The following ZFYVE21 variants were observed in gnomAD, a reference collection of about 807,000 sequenced individuals.
The protein encoded by ZFYVE21 is zinc finger FYVE domain-containing protein 21.
A neutral mutation model predicts 29.5 loss-of-function variants in ZFYVE21; 21 were observed. The ratio of observed to expected loss-of-function variants is 0.71; its 90% confidence interval spans 0.50 to 1.02. ZFYVE21 has a LOEUF of 1.02. Ranked by LOEUF, ZFYVE21 falls within the 50% of genes least tolerant of loss-of-function variation. The pLI, the probability that ZFYVE21 is intolerant of heterozygous loss-of-function variation, is 0.00. For missense variants in ZFYVE21, 326 were observed against 335.4 expected, an observed-to-expected ratio of 0.97 and a Z score of 0.22; for synonymous variants, 151 against 133.8, an observed-to-expected ratio of 1.13 and a Z score of -0.89.
chr14:103,732,997 C>G lies in ZFYVE21; in HGVS notation c.684C>G (p.Leu228=). 6.2e-7 allele frequency: 1 copy of G among 1,614,140 alleles called. No individual in the cohort carries two copies. ...LVAMHKAAKL[L]YESRDQ is the part of the protein sequence containing the mutation. ...CTGATCTGCAGGCTGCCAAGCTCCT[C>G]TATGAATCTCGGGACCAGTAACTCT... is the stretch of plus-strand genomic sequence containing the variant. Residue 228 remains leucine (L), a synonymous_variant, in exon 7 of 7, where the codon CTC becomes CTG. Transcript: ENST00000311141.
At chr14:103,732,939 A>G (rs753608629) in intron 6 of ZFYVE21, 44 bp from the exon 7 acceptor site, 3 of 1,613,948 alleles carry the variant, frequency 1.9e-6, no homozygotes, top group Non-Finnish European at 2.5e-6. Context: ...CACCAGGCAC[A>G]GGACCAAGCA....
At chr14:103,720,260 T>C (rs1209289589) in intron 1 of ZFYVE21, among the ~76,000 whole-genome samples, 1 of 152,242 alleles carries the variant, frequency 6.6e-6, no homozygotes, top group African/African-American at 2.4e-5. Context: ...CATTAACTAA[T>C]GAGGTAAATC....
At chr14:103,723,892 C>A (rs2083896954) in intron 1 of ZFYVE21, among the ~76,000 whole-genome samples, 1 of 152,208 alleles carries the variant, frequency 6.6e-6, no homozygotes, top group Non-Finnish European at 1.5e-5. Context: ...GAGGCCCCTG[C>A]CTTTGCAGAT....
At chr14:103,720,817 C>T (rs952448372) in intron 1 of ZFYVE21, among the ~76,000 whole-genome samples, 2 of 151,996 alleles carry the variant, frequency 1.3e-5, no homozygotes, top group Non-Finnish European at 2.9e-5. Flanking sequence ...TGATGGGCTT[C>T]ATGATTTCTG....
chr14:103,717,046 T>C lies in ZFYVE21; in HGVS notation c.138+1067T>C, dbSNP rs916573475. On this transcript the variant is annotated intron_variant, in intron 1 of 6. Transcript: ENST00000311141. ...AGAAGTCAAAGTAGCACTAATTGAC[T>C]GGGTTCATTGAAGCTTGGTTGGAGG... 3.3e-5 allele frequency among the ~76,000 whole-genome samples: 5 copies of C among 152,212 alleles called. No homozygotes were observed. In the South Asian group the frequency reaches 1.0e-3, roughly 31 times the overall value.
Position 103,727,933 on chromosome 14 carries a change from C to A in ZFYVE21, c.358+19C>A. On this transcript the variant is annotated intron_variant, in intron 3 of 6. Transcript: ENST00000311141. Reference sequence around the variant, plus strand: ...CTGAGCGGTAAGGACGGGTGTCCTGCACAGTCCCGCGCGCTCCGCCAGCCG... The same window carrying A: ...CTGAGCGGTAAGGACGGGTGTCCTGAACAGTCCCGCGCGCTCCGCCAGCCG... 1 of 1,591,486 alleles carries A rather than the reference C, an allele frequency of 6.3e-7. No individual in the cohort carries two copies.
chr14:103,726,921 C>G, intron 2 of ZFYVE21, 79 bp downstream of exon 2: 1 of 1,440,868 alleles, frequency 6.9e-7, no homozygotes, highest in Non-Finnish European at 9.6e-7. Context: ...CCCCTTCTGG[C>G]AGGGGACGGA....
At chr14:103,726,949 T>TTTTTTTTTATTG in intron 2 of ZFYVE21, 107 bp downstream of exon 2, 1 of 686,814 alleles carries the variant, frequency 1.5e-6, no homozygotes, top group Non-Finnish European at 2.1e-6. Context: ...TTATGGCTCG[T>TTTTTTTTTATTG]TTTTTTTTTT....
chr14:103,719,809 G>A (rs2083858755), intron 1 of ZFYVE21, among the ~76,000 whole-genome samples: 1 of 152,178 alleles, frequency 6.6e-6, no homozygotes, highest in Non-Finnish European at 1.5e-5. Flanking sequence ...AAGGGTCCCT[G>A]TGGCTGGCTA....
Position 103,727,842 on chromosome 14 carries a change from T to C in ZFYVE21, c.286T>C (p.Cys96Arg). 6.2e-7 allele frequency: 1 copy of C among 1,613,244 alleles called. No homozygotes were observed. The highest frequency in any genetic ancestry group is 8.5e-7 in the Non-Finnish European group (1 of 1,179,920). ...RMCFVDPVRQ[C>R]AECALVSLKE... ...GTGCTTTGTGGACCCCGTGCGGCAGTGCGCGGAGTGCGCCCTCGTGTCCCT... is the reference window on the plus strand; with the variant it reads ...GTGCTTTGTGGACCCCGTGCGGCAGCGCGCGGAGTGCGCCCTCGTGTCCCT... Residue 96 changes from cysteine to arginine, a missense_variant, in exon 3 of 7, where the codon TGC (cysteine) becomes CGC (arginine). By Grantham distance (180) the Cys-to-Arg change is radical. Coordinates refer to ENST00000311141, the MANE Select transcript of ZFYVE21 (RefSeq NM_024071.4).
In ZFYVE21 at chr14:103,729,807, G is replaced by A. The variant is rs368581938; in HGVS notation, c.526+625G>A. ...TCTTGCCATAGAAAAAGACATTCAC[G>A]CTTACACCAGCCTCCGGGGGAGCCA... On this transcript the variant is annotated intron_variant, in intron 5 of 6. Transcript: ENST00000311141. 5.6e-5 allele frequency: 86 copies of A among 1,536,332 alleles called. No individual in the cohort carries two copies. The highest frequency in any genetic ancestry group is 4.1e-4 in the African/African-American group (30 of 73,162).
At position 103,732,605 on chromosome 14, in the gene ZFYVE21, G is replaced by A. The variant is rs557844885; in HGVS notation, c.527-15G>A. 2.6e-6 allele frequency: 4 copies of A among 1,553,262 alleles called. No individual in the cohort carries two copies. Among genetic ancestry groups the A allele is most frequent in the Admixed American group, 2.1e-5 (1 of 46,892 alleles). On this transcript the variant is annotated splice_polypyrimidine_tract_variant and intron_variant, in intron 5 of 6. Coordinates refer to ENST00000311141, the MANE Select transcript of ZFYVE21 (RefSeq NM_024071.4). ...GGCCTCCTTTGGGCCGTCTTACCTC[G>A]TCTCTCTCCTCCAGGAGGCAACGCA...
At chr14:103,726,559 C>G in intron 1 of ZFYVE21, 1 of 550,344 alleles carries the variant, frequency 1.8e-6, no homozygotes, top group Non-Finnish European at 3.3e-6. Context: ...CCCATGGTTA[C>G]GCTGGGTGCA....
intron 2 of ZFYVE21, 33 bp from the exon 3 acceptor site, chr14:103,727,713 C>G (rs1448045481): frequency 6.3e-7 from 1 of 1,595,922 alleles, no homozygotes; most frequent in African/African-American, 1.3e-5. Flanking sequence ...TTCCCTGCCC[C>G]TCCTCACTGC....
At chr14:103,722,283 AT>A (rs1298598575) in intron 1 of ZFYVE21, among the ~76,000 whole-genome samples, 6 of 150,094 alleles carry the variant, frequency 4.0e-5, no homozygotes, top group Non-Finnish European at 8.9e-5. Context: ...CTCCTTGGTT[AT>A]TTTATAGTAA....
chr14:103,724,586 G>C (rs372389762), intron 1 of ZFYVE21: 1 of 152,250 alleles, frequency 6.6e-6, no homozygotes, highest in African/African-American at 2.4e-5. Flanking sequence ...GGGGCTCTTC[G>C]TGGAGCGAAG....
chr14:103,724,699 C>T (rs1428737853), intron 1 of ZFYVE21: 2 of 152,286 alleles, frequency 1.3e-5, no homozygotes. Context: ...AAAAGACCCT[C>T]CATCTCTCCC....
chr14:103,716,990 T>C lies in ZFYVE21; in HGVS notation c.138+1011T>C, dbSNP rs2083827433. On this transcript the variant is annotated intron_variant, in intron 1 of 6. Transcript: ENST00000311141. The surrounding 1 kb of genome is among the most constrained non-coding windows in gnomAD (Gnocchi z 4.8). ...CAGATTCGTTTAATTCCCTCAGTGA[T>C]AGAACTAAGCAGACGTTGGAACTAG... Among the ~76,000 whole-genome samples the C allele has an allele frequency of 6.6e-6, 1 of 152,244 alleles. No homozygotes were observed. The highest frequency in any genetic ancestry group is 6.5e-5 in the Admixed American group (1 of 15,290).
intron 1 of ZFYVE21, among the ~76,000 whole-genome samples, chr14:103,721,103 G>A (rs531808061): frequency 6.6e-6 from 1 of 152,180 alleles, no homozygotes; most frequent in Non-Finnish European, 1.5e-5. Context: ...TGGGATTACA[G>A]GTGTGGCCAC....
Sources: gnomAD v4.1 joint callset for allele counts (sites outside exome capture counted in the v4.1 genomes callset) on GRCh38, gnomAD v4.1.1 for gene constraint, Gnocchi (gnomAD v3.1) non-coding constraint, MANE v1.5 for transcripts, NCBI Gene and HGNC (gene_info 2026-07-23, HGNC 2026-07-21) for gene names.